The following KCNQ5 variants were observed in gnomAD, a reference collection of about 807,000 sequenced individuals.
KCNQ5 encodes potassium voltage-gated channel subfamily KQT member 5.
A neutral mutation model predicts 98.2 loss-of-function variants in KCNQ5; 30 were observed. The ratio of observed to expected loss-of-function variants is 0.31; its 90% confidence interval spans 0.23 to 0.41. The LOEUF is 0.41. KCNQ5 is among the 10% of genes least tolerant of loss of function. KCNQ5 has a pLI of 1.00. For missense variants in KCNQ5, 835 were observed against 1,182.5 expected (o/e 0.71, Z 4.31); for synonymous variants, 458 against 449.4 (o/e 1.02, Z -0.24).
At chr6:73,041,241 A>T (rs1771673389) in intron 2 of KCNQ5, among the ~76,000 whole-genome samples, 1 of 152,144 alleles carries the variant, frequency 6.6e-6, no homozygotes, top group Non-Finnish European at 1.5e-5. Context: ...GTTAACTCAC[A>T]ACTCTTCCTA....
chr6:72,735,750 G>A (rs112218542), intron 1 of KCNQ5, among the ~76,000 whole-genome samples: 109 of 151,912 alleles, frequency 7.2e-4, no homozygotes, highest in African/African-American at 2.5e-3. Context: ...TTATTTTTAA[G>A]AATTTTATAA....
intron 1 of KCNQ5, among the ~76,000 whole-genome samples, chr6:72,737,187 C>T (rs554306701): frequency 3.9e-5 from 6 of 152,140 alleles, no homozygotes; most frequent in South Asian, 2.1e-4. Context: ...TTTGAACTCC[C>T]GGCCTCAAGT....
intron 1 of KCNQ5, among the ~76,000 whole-genome samples, chr6:72,872,278 T>C (rs1778241622): frequency 6.6e-6 from 1 of 152,206 alleles, no homozygotes; most frequent in Non-Finnish European, 1.5e-5. Flanking sequence ...TTAAGTTAAA[T>C]CAATCATAGT....
chr6:72,702,080 T>A (rs1289586508), intron 1 of KCNQ5, among the ~76,000 whole-genome samples: 1 of 152,222 alleles, frequency 6.6e-6, no homozygotes, highest in Non-Finnish European at 1.5e-5. Context: ...TTAGAGAGAA[T>A]GCTCAACTAA....
At chr6:72,996,723 G>A (rs1200653158) in intron 1 of KCNQ5, among the ~76,000 whole-genome samples, 1 of 152,202 alleles carries the variant, frequency 6.6e-6, no homozygotes, top group Non-Finnish European at 1.5e-5. Flanking sequence ...TTTACTGTTG[G>A]TGATTAAATG....
intron 1 of KCNQ5, among the ~76,000 whole-genome samples, chr6:72,868,128 A>G (rs1188677821): frequency 6.6e-6 from 1 of 152,128 alleles, no homozygotes; most frequent in Non-Finnish European, 1.5e-5. Context: ...GGACTTCCAG[A>G]CAAGGAGGTA....
intron 2 of KCNQ5, among the ~76,000 whole-genome samples, chr6:73,032,726 T>C (rs1158803130): frequency 6.6e-6 from 1 of 152,144 alleles, no homozygotes; most frequent in East Asian, 1.9e-4. Flanking sequence ...TGTTTCCAGC[T>C]TGGTGTTTAT....
At chr6:73,149,792 GA>G (rs57061336) in intron 10 of KCNQ5, among the ~76,000 whole-genome samples, 5,061 of 97,878 alleles carry the variant, frequency 0.052, 260 homozygotes, top group African/African-American at 0.19. Flanking sequence ...GGGAGACTCC[GA>G]AAAAAAAAAA....
At position 72,831,090 on chromosome 6, in the gene KCNQ5, A is replaced by G. The variant is rs561081268; in HGVS notation, c.399-172818A>G. Among the ~76,000 whole-genome samples the G allele has an allele frequency of 6.4e-4, 97 of 152,308 alleles. 2 individuals carry two copies. The South Asian group carries it at 0.02, about 31-fold the overall frequency. ...AAAGTCAGGAAACAACAGGTGCTGG[A>G]GAGGACGTGGAGAAATAGGAACATT... is the stretch of plus-strand genomic sequence containing the variant. On this transcript the variant is annotated intron_variant, in intron 1 of 13. Transcript: ENST00000370398.
intron 1 of KCNQ5, among the ~76,000 whole-genome samples, chr6:72,948,138 T>A (rs1432270529): frequency 6.6e-6 from 1 of 152,096 alleles, no homozygotes; most frequent in African/African-American, 2.4e-5. Context: ...TGTCAAAAAC[T>A]TAATTTTAAA....
intron 3 of KCNQ5, among the ~76,000 whole-genome samples, chr6:73,045,417 G>A (rs1488029586): frequency 1.3e-5 from 2 of 151,956 alleles, no homozygotes; most frequent in African/African-American, 4.8e-5. Context: ...TCATATCTAT[G>A]TGTTCAATTT....
At chr6:73,047,039 G>A (rs958913950) in intron 3 of KCNQ5, among the ~76,000 whole-genome samples, 1 of 152,158 alleles carries the variant, frequency 6.6e-6, no homozygotes, top group Non-Finnish European at 1.5e-5. Context: ...ATAGGTGAAA[G>A]AACCTGGATT....
intron 1 of KCNQ5, among the ~76,000 whole-genome samples, chr6:72,883,197 A>G (rs554861533): frequency 1.3e-5 from 2 of 152,218 alleles, no homozygotes; most frequent in Non-Finnish European, 2.9e-5. Flanking sequence ...CTGCACTCTC[A>G]AAATGTTTAA....
At chr6:72,658,129 A>G (rs1307298233) in intron 1 of KCNQ5, among the ~76,000 whole-genome samples, 2 of 152,222 alleles carry the variant, frequency 1.3e-5, no homozygotes, top group East Asian at 3.8e-4. Flanking sequence ...TTCAGTCTGA[A>G]TTCCAAAATG....
intron 5 of KCNQ5, among the ~76,000 whole-genome samples, chr6:73,092,131 T>G (rs1774281926): frequency 6.6e-6 from 1 of 152,084 alleles, no homozygotes; most frequent in Non-Finnish European, 1.5e-5. Flanking sequence ...TTTTTTTGTT[T>G]TTGTAGCTAT....
chr6:73,052,179 CA>C (rs1191706574), intron 3 of KCNQ5, among the ~76,000 whole-genome samples: 1 of 151,868 alleles, frequency 6.6e-6, no homozygotes, highest in Non-Finnish European at 1.5e-5. Flanking sequence ...CTCAGTCAGA[CA>C]AAAATAAAGA....
At chr6:72,793,863 A>C (rs900240067) in intron 1 of KCNQ5, among the ~76,000 whole-genome samples, 1 of 152,226 alleles carries the variant, frequency 6.6e-6, no homozygotes, top group Non-Finnish European at 1.5e-5. Context: ...CATAGTGCTG[A>C]GAAATGCCAT....
rs59639657 is a variant in KCNQ5, at chr6:72,655,036, CTTT to C, written c.398+32450_398+32452del. Among the ~76,000 whole-genome samples the C allele has an allele frequency of 2.1e-3, 260 of 125,386 alleles. 2 individuals are homozygous for C. The highest frequency in any genetic ancestry group is 0.013 in the South Asian group (51 of 3,942). The allele number at this position is 125,386 out of a possible 152,430, so 82.3% of individuals were successfully genotyped here. A position where few individuals can be genotyped will look rare whatever the true frequency, so the allele number is the denominator to read the frequency against. Reference sequence around the variant, plus strand: ...AGCCAAGGTCTGTCTGTCTTTCTTTCTTTCTTTCTTTCTTTCTTTCTTTCTTTC... The same window carrying C: ...AGCCAAGGTCTGTCTGTCTTTCTTTCCTTTCTTTCTTTCTTTCTTTCTTTC... On this transcript the variant is annotated intron_variant, in intron 1 of 13. Transcript: ENST00000370398.
chr6:72,859,962 C>CAA (rs35054020), intron 1 of KCNQ5, among the ~76,000 whole-genome samples: 92 of 137,884 alleles, frequency 6.7e-4, no homozygotes, highest in African/African-American at 2.3e-3. Flanking sequence ...TCCTATTCAC[C>CAA]AAAAAAAAAA....
Sources: gnomAD v4.1 joint callset for allele counts (sites outside exome capture counted in the v4.1 genomes callset) on GRCh38, gnomAD v4.1.1 for gene constraint, MANE v1.5 for transcripts, NCBI Gene and HGNC (gene_info 2026-07-23, HGNC 2026-07-21) for gene names.